Variants in GIPC2 observed in about 807,000 individuals in gnomAD.
GIPC2 encodes GIPC PDZ domain containing family member 2, also known as PDZ domain-containing protein GIPC2.
A neutral mutation model predicts 30.6 loss-of-function variants in GIPC2; 30 were observed. That is an observed-to-expected ratio of 0.98 (90% CI 0.73 to 1.33). The LOEUF (loss-of-function observed/expected upper bound fraction) is 1.33. Among genes scored for constraint, GIPC2 ranks in the 40% most tolerant of loss-of-function variants. The probability of loss-of-function intolerance (pLI) is 0.00; values close to 1 mark genes in which losing one functional copy is unlikely to be tolerated. For synonymous variants in GIPC2, 167 were observed against 150.0 expected, an observed-to-expected ratio of 1.11 and a Z score of -0.83; for missense variants, 414 against 390.3, an observed-to-expected ratio of 1.06 and a Z score of -0.51.
At chr1:78,108,312 T>C (rs1662398776) in intron 3 of GIPC2, among the ~76,000 whole-genome samples, 1 of 152,240 alleles carries the variant, frequency 6.6e-6, no homozygotes, top group African/African-American at 2.4e-5. Context: ...CACATTAACT[T>C]GTGCCTGCAA....
At chr1:78,069,977 C>T (rs1661587416) in intron 1 of GIPC2, among the ~76,000 whole-genome samples, 1 of 152,100 alleles carries the variant, frequency 6.6e-6, no homozygotes, top group Non-Finnish European at 1.5e-5. Flanking sequence ...GAATGGCTCA[C>T]CATGCTTACT....
intron 1 of GIPC2, among the ~76,000 whole-genome samples, chr1:78,051,692 G>T (rs1307125717): frequency 6.6e-6 from 1 of 152,130 alleles, no homozygotes; most frequent in Non-Finnish European, 1.5e-5. Flanking sequence ...TAGAGACGGG[G>T]TTTTGCCATG....
At chr1:78,118,989 T>G (rs1489270269) in intron 3 of GIPC2, among the ~76,000 whole-genome samples, 2 of 152,122 alleles carry the variant, frequency 1.3e-5, no homozygotes, top group African/African-American at 4.8e-5. Context: ...ATTTTTTTTT[T>G]GTTTCTTCTT....
chr1:78,063,852 G>T (rs1278856), intron 1 of GIPC2, among the ~76,000 whole-genome samples: 1 of 142,338 alleles, frequency 7.0e-6, no homozygotes, highest in Admixed American at 7.2e-5. Context: ...AGATTGTGCC[G>T]CTGCACTCCA....
At chr1:78,110,817 A>G (rs913905871) in intron 3 of GIPC2, among the ~76,000 whole-genome samples, 5 of 152,206 alleles carry the variant, frequency 3.3e-5, no homozygotes, top group African/African-American at 4.8e-5. Context: ...AGTCTCAGGC[A>G]TGTGAGAATG....
In GIPC2 at chr1:78,046,261, G is replaced by A; in HGVS notation, c.167G>A (p.Arg56Gln). ...CTGGCGCACGGTAGTGCCACGGGCC[G>A]AGTGGAGGGCTTCTCCAGCATCCAG... Reference protein sequence around the residue: ...AQLAHGSATGRVEGFSSIQEL... With the variant: ...AQLAHGSATGQVEGFSSIQEL... Residue 56 changes from arginine to glutamine, a missense_variant, in exon 1 of 6, where the codon CGA becomes CAA. Physicochemically the swap from Arg to Gln is conservative, Grantham distance 43. Coordinates refer to ENST00000370759, the MANE Select transcript of GIPC2 (RefSeq NM_017655.6). 6.2e-7 allele frequency: 1 copy of A among 1,611,358 alleles called. No individual in the cohort carries two copies. The highest frequency in any genetic ancestry group is 8.5e-7 in the Non-Finnish European group (1 of 1,179,262).
chr1:78,080,925 A>G (rs1425594516), intron 2 of GIPC2, 65 bp downstream of exon 2: 2 of 916,632 alleles, frequency 2.2e-6, no homozygotes, highest in East Asian at 5.5e-5. Flanking sequence ...CTACCAGGCC[A>G]AAGAAAGTTA....
intron 1 of GIPC2, among the ~76,000 whole-genome samples, chr1:78,051,376 G>A (rs577001481): frequency 1.3e-5 from 2 of 152,322 alleles, no homozygotes; most frequent in East Asian, 3.9e-4. Flanking sequence ...AGATTAGTTT[G>A]CGTGTGATAT....
intron 5 of GIPC2, among the ~76,000 whole-genome samples, chr1:78,129,949 T>C (rs544101638): frequency 6.6e-6 from 1 of 150,922 alleles, no homozygotes; most frequent in African/African-American, 2.5e-5. Context: ...TCAAAGTCAT[T>C]TATTCTATAA....
In GIPC2 at chr1:78,125,918, A is replaced by G. The variant is rs749416541; in HGVS notation, c.752A>G (p.Asp251Gly). 1.3e-6 allele frequency: 2 copies of G among 1,592,302 alleles called. No individual in the cohort carries two copies. The highest frequency in any genetic ancestry group is 3.3e-5 in the Admixed American group (2 of 59,942). Residue 251 changes from aspartate to glycine, a missense_variant, in exon 5 of 6, where the codon GAT (aspartate) becomes GGT (glycine). Asp to Gly is a moderately conservative substitution (Grantham distance 94, BLOSUM62 -1). Coordinates refer to ENST00000370759, the MANE Select transcript of GIPC2 (RefSeq NM_017655.6). ...ETKAKAIEKI[D>G]DVLELYMGIR... ...AAAGCAAAGGCAATTGAAAAGATTG[A>G]TGATGTTCTTGAGTTGTACATGGGA...
intron 4 of GIPC2, among the ~76,000 whole-genome samples, chr1:78,124,804 G>A (rs1309099826): frequency 1.3e-5 from 2 of 152,040 alleles, no homozygotes; most frequent in Non-Finnish European, 2.9e-5. Context: ...CCAGGAATTG[G>A]AGACCAGCCT....
Position 78,080,839 on chromosome 1 carries a change from T to C in GIPC2, c.405T>C (p.Gly135=), listed in dbSNP as rs903034977. The C allele has an allele frequency of 1.3e-6, 2 of 1,596,774 alleles. No individual in the cohort carries two copies. The highest frequency in any genetic ancestry group is 1.7e-6 in the Non-Finnish European group (2 of 1,170,078). The stretch of plus-strand genomic sequence containing the variant: ...TTGGTCTCACCATTACAGATAATGG[T>C]GTTGGCTATGCTTTTATAAAGGTAA... The part of the protein sequence containing the change: ...DSLGLTITDN[G]VGYAFIKRIK... The change falls in exon 2 of 6, where the codon GGT becomes GGC. Residue 135 remains glycine (G), a synonymous_variant. Coordinates refer to ENST00000370759, the MANE Select transcript of GIPC2 (RefSeq NM_017655.6).
At position 78,046,027 on chromosome 1, in the gene GIPC2, T is replaced by G. The variant is rs1661060407; in HGVS notation, c.-68T>G. 5 of 1,398,512 alleles carry G rather than the reference T, an allele frequency of 3.6e-6. No individual in the cohort carries two copies. The highest frequency in any genetic ancestry group is 7.5e-5 in the Admixed American group (2 of 26,614). The allele number at this position is 1,398,512 out of a possible 1,614,324, so 86.6% of individuals were successfully genotyped here. A position where few individuals can be genotyped will look rare whatever the true frequency, so the allele number is the denominator to read the frequency against. On this transcript the variant is annotated 5_prime_UTR_variant, in exon 1 of 6. Transcript: ENST00000370759. ...CCTGCGCGGGGCCCGGGGCGCAAAG[T>G]CCGAGGCGCCGGGGGGAGGAGGCGG...
In GIPC2 at chr1:78,046,137, G is replaced by A. The variant is rs1661066248; in HGVS notation, c.43G>A (p.Glu15Lys). Reference sequence around the variant, plus strand: ...GGGGAAGAAGAAGGCCAAGTCCAAGGAGACCGCCGGGCTGGTGGAGGGCGA... The same window carrying A: ...GGGGAAGAAGAAGGCCAAGTCCAAGAAGACCGCCGGGCTGGTGGAGGGCGA... Reference protein sequence around the residue: ...LRGKKKAKSKETAGLVEGEPT... With the variant: ...LRGKKKAKSKKTAGLVEGEPT... Residue 15 changes from glutamate (E) to lysine (K), a missense_variant, in exon 1 of 6, where the codon GAG becomes AAG. Physicochemically the swap from Glu to Lys is moderately conservative, Grantham distance 56. Transcript: ENST00000370759. The A allele has an allele frequency of 2.0e-6, 3 of 1,529,982 alleles. No individual in the cohort carries two copies. The highest frequency in any genetic ancestry group is 2.6e-6 in the Non-Finnish European group (3 of 1,141,252). 94.8% of individuals were successfully genotyped at this position (1,529,982 alleles called of 1,614,324 possible). A position where few individuals can be genotyped will look rare whatever the true frequency, so the allele number is the denominator to read the frequency against.
intron 1 of GIPC2, among the ~76,000 whole-genome samples, chr1:78,079,424 G>A (rs1661785295): frequency 1.3e-5 from 2 of 152,320 alleles, no homozygotes; most frequent in South Asian, 4.1e-4. Context: ...TCAGTAAGTA[G>A]TAAATGCACC....
At chr1:78,100,945 C>T (rs374443089) in intron 3 of GIPC2, among the ~76,000 whole-genome samples, 20,021 of 110,980 alleles carry the variant, frequency 0.18, 1,598 homozygotes, top group South Asian at 0.26. Context: ...AAAAAATACA[C>T]ACACACACAC....
intron 1 of GIPC2, among the ~76,000 whole-genome samples, chr1:78,067,368 C>A (rs1420371834): frequency 6.6e-6 from 1 of 152,090 alleles, no homozygotes; most frequent in African/African-American, 2.4e-5. Flanking sequence ...AACAATGGTA[C>A]AATGGTTCAA....
At chr1:78,112,542 C>A (rs1016835109) in intron 3 of GIPC2, 9 of 518,896 alleles carry the variant, frequency 1.7e-5, no homozygotes, top group African/African-American at 9.6e-5. Flanking sequence ...TCCAGGCCAA[C>A]CAGGGCTCTC....
chr1:78,106,403 CA>C (rs1439645654), intron 3 of GIPC2, among the ~76,000 whole-genome samples: 12 of 151,192 alleles, frequency 7.9e-5, no homozygotes, highest in African/African-American at 2.9e-4. Context: ...ACTAAAAATA[CA>C]AAAAAATTAG....
Sources: allele counts gnomAD v4.1 joint callset (sites outside exome capture counted in the v4.1 genomes callset), GRCh38; gene constraint gnomAD v4.1.1; transcripts MANE v1.5; gene names NCBI Gene and HGNC (gene_info 2026-07-23, HGNC 2026-07-21).